Variants in ZNF804A observed in about 807,000 individuals in gnomAD.
ZNF804A encodes zinc finger protein 804A.
Under a neutral mutation model 16.5 loss-of-function variants are expected in ZNF804A, and 2 were observed. The observed-to-expected ratio is 0.12, with a 90% CI of 0.05 to 0.38. ZNF804A has a LOEUF of 0.38. Among genes scored for constraint, ZNF804A ranks in the 10% least tolerant of loss-of-function variants. ZNF804A has a pLI of 0.99. For synonymous variants in ZNF804A, 534 were observed against 489.6 expected (o/e 1.09, Z -1.20); for missense variants, 1,473 against 1,390.7 (o/e 1.06, Z -0.94).
intron 2 of ZNF804A, among the ~76,000 whole-genome samples, chr2:184,899,282 T>C (rs1029180167): frequency 1.3e-5 from 2 of 152,016 alleles, no homozygotes; most frequent in Non-Finnish European, 2.9e-5. Flanking sequence ...GTTTTAACAA[T>C]AGGCAGATCA....
chr2:184,799,714 T>C (rs1308176541), intron 1 of ZNF804A, among the ~76,000 whole-genome samples: 1 of 152,106 alleles, frequency 6.6e-6, no homozygotes, highest in Non-Finnish European at 1.5e-5. Flanking sequence ...TTTTTTCTTT[T>C]TTTGTATGTG....
chr2:184,610,845 T>C (rs1462277466), intron 1 of ZNF804A, among the ~76,000 whole-genome samples: 3 of 152,196 alleles, frequency 2.0e-5, no homozygotes, highest in Non-Finnish European at 4.4e-5. Context: ...TTCACCTCTC[T>C]CCCTGTTAGT....
intron 1 of ZNF804A, among the ~76,000 whole-genome samples, chr2:184,759,807 C>A (rs1014508521): frequency 8.6e-5 from 13 of 152,012 alleles, no homozygotes; most frequent in Admixed American, 2.0e-4. Context: ...AAAGCTCCCC[C>A]ACTGAGCACC....
intron 1 of ZNF804A, among the ~76,000 whole-genome samples, chr2:184,654,190 G>A (rs1692038007): frequency 6.6e-6 from 1 of 152,194 alleles, no homozygotes; most frequent in Non-Finnish European, 1.5e-5. Flanking sequence ...CGGTTCTGAT[G>A]CCATCATTTG....
At chr2:184,637,939 AG>A (rs1691726866) in intron 1 of ZNF804A, among the ~76,000 whole-genome samples, 1 of 152,116 alleles carries the variant, frequency 6.6e-6, no homozygotes, top group African/African-American at 2.4e-5. Flanking sequence ...GGGAAACTGG[AG>A]AATGGTGTTT....
chr2:184,902,652 TA>T (rs1359910688), intron 2 of ZNF804A: 3 of 152,106 alleles, frequency 2.0e-5, no homozygotes, highest in Non-Finnish European at 4.4e-5. Flanking sequence ...TTAATGACAA[TA>T]AAAAATTTTT....
chr2:184,648,686 G>A (rs1273626714), intron 1 of ZNF804A, among the ~76,000 whole-genome samples: 1 of 151,960 alleles, frequency 6.6e-6, no homozygotes, highest in Non-Finnish European at 1.5e-5. Flanking sequence ...TGTCAAAAAA[G>A]GTGAAGGGCA....
chr2:184,925,121 T>G (rs1210603263), intron 2 of ZNF804A, among the ~76,000 whole-genome samples: 2 of 152,026 alleles, frequency 1.3e-5, no homozygotes, highest in African/African-American at 2.4e-5. Context: ...CGTGCAATGC[T>G]GAAAGTGGAT....
chr2:184,800,277 T>G (rs569243613), intron 1 of ZNF804A, among the ~76,000 whole-genome samples: 106 of 152,144 alleles, frequency 7.0e-4, no homozygotes, highest in African/African-American at 2.3e-3. Flanking sequence ...TCAGTAAGTC[T>G]TGCTGAAATT....
chr2:184,864,167 A>G (rs955135980), intron 1 of ZNF804A, among the ~76,000 whole-genome samples: 10 of 152,124 alleles, frequency 6.6e-5, no homozygotes, highest in African/African-American at 2.4e-4. Context: ...GCATCTGATG[A>G]GGGCCTCAGG....
At chr2:184,657,813 G>A (rs1433485664) in intron 1 of ZNF804A, among the ~76,000 whole-genome samples, 2 of 152,078 alleles carry the variant, frequency 1.3e-5, no homozygotes, top group African/African-American at 4.8e-5. Context: ...ATTATGAAAA[G>A]GTAGTTGGTC....
At chr2:184,636,056 G>T (rs1691690195) in intron 1 of ZNF804A, among the ~76,000 whole-genome samples, 3 of 152,050 alleles carry the variant, frequency 2.0e-5, no homozygotes, top group Admixed American at 2.0e-4. Context: ...TAAAGTTGAA[G>T]TAAGTGAAAA....
intron 1 of ZNF804A, among the ~76,000 whole-genome samples, chr2:184,648,730 G>C (rs1258842719): frequency 1.3e-5 from 2 of 152,090 alleles, no homozygotes; most frequent in Non-Finnish European, 2.9e-5. Context: ...TTAAAAAGAA[G>C]ACTTAACTAA....
chr2:184,938,215 G>T lies in ZNF804A; in HGVS notation c.2819G>T (p.Ser940Ile). ...ACCCTGCTTGAACACAAAGAAAGAAGTGAGAATATAAATCTTAATGAAAAG... is the reference window on the plus strand; with the variant it reads ...ACCCTGCTTGAACACAAAGAAAGAATTGAGAATATAAATCTTAATGAAAAG... ...DNTLLEHKER[S>I]ENINLNEKQI... The change falls in exon 4 of 4, where the codon AGT (serine) becomes ATT (isoleucine). Residue 940 changes from serine (S) to isoleucine (I), a missense_variant. By Grantham distance (142) the Ser-to-Ile change is moderately radical (BLOSUM62 -2). Coordinates refer to ENST00000302277, the MANE Select transcript of ZNF804A (RefSeq NM_194250.2). The T allele has an allele frequency of 6.2e-7, 1 of 1,614,056 alleles. No homozygotes were observed. Among genetic ancestry groups the T allele is most frequent in the South Asian group, 1.1e-5 (1 of 91,084 alleles).
At chr2:184,772,448 T>C (rs1369394108) in intron 1 of ZNF804A, among the ~76,000 whole-genome samples, 1 of 152,002 alleles carries the variant, frequency 6.6e-6, no homozygotes, top group East Asian at 1.9e-4. Context: ...ATCCATGCTG[T>C]AGGATATATC....
At position 184,766,321 on chromosome 2, in the gene ZNF804A, C is replaced by T. The variant is rs1694126418; in HGVS notation, c.112-100048C>T. 2.6e-5 allele frequency among the ~76,000 whole-genome samples: 4 copies of T among 151,944 alleles called. No individual in the cohort carries two copies. In the South Asian group the frequency reaches 8.3e-4, roughly 32 times the overall value. ...ATATTAGTAGATAAGTTTTAATCTG[C>T]AAGTTTTATATAGCATCATCACATC... On this transcript the variant is annotated intron_variant, in intron 1 of 3. Transcript: ENST00000302277.
intron 2 of ZNF804A, among the ~76,000 whole-genome samples, chr2:184,890,488 A>G (rs1684964517): frequency 6.6e-6 from 1 of 152,140 alleles, no homozygotes; most frequent in Non-Finnish European, 1.5e-5. Flanking sequence ...CTTGGAACTG[A>G]ATGGCACTAA....
At chr2:184,738,352 T>TA (rs564546694) in intron 1 of ZNF804A, among the ~76,000 whole-genome samples, 47 of 151,990 alleles carry the variant, frequency 3.1e-4, no homozygotes, top group Non-Finnish European at 5.0e-4. Flanking sequence ...TTGGGAAACT[T>TA]AAAAAAAACA....
At chr2:184,603,076 T>C (rs1479447868) in intron 1 of ZNF804A, among the ~76,000 whole-genome samples, 1 of 152,198 alleles carries the variant, frequency 6.6e-6, no homozygotes, top group Non-Finnish European at 1.5e-5. Context: ...GCCTTGTTTC[T>C]GTAGGCTGCC....
Sources: allele counts gnomAD v4.1 joint callset (sites outside exome capture counted in the v4.1 genomes callset), GRCh38; gene constraint gnomAD v4.1.1; transcripts MANE v1.5; gene names NCBI Gene and HGNC (gene_info 2026-07-23, HGNC 2026-07-21).